Variants in SEMA5B observed in about 807,000 individuals in gnomAD.
SEMA5B encodes semaphorin 5B.
Under a neutral mutation model 135.0 loss-of-function variants are expected in SEMA5B, and 66 were observed. The observed-to-expected ratio is 0.49, with a 90% confidence interval of 0.40 to 0.60. The LOEUF is 0.60. Among genes scored for constraint, SEMA5B ranks in the 20% least tolerant of loss-of-function variants. The pLI is 0.00. For synonymous variants in SEMA5B, 690 were observed against 639.5 expected, an observed-to-expected ratio of 1.08 and a Z score of -1.19; for missense variants, 1,501 against 1,566.3, an observed-to-expected ratio of 0.96 and a Z score of 0.70.
chr3:122,990,969 C>T (rs1941855639), intron 1 of SEMA5B, among the ~76,000 whole-genome samples: 1 of 152,188 alleles, frequency 6.6e-6, no homozygotes, highest in South Asian at 2.1e-4. Context: ...TGTATGTGTA[C>T]ATATATGCAC....
At chr3:122,961,814 G>T (rs981803752) in intron 1 of SEMA5B, among the ~76,000 whole-genome samples, 1 of 152,036 alleles carries the variant, frequency 6.6e-6, no homozygotes, top group African/African-American at 2.4e-5. Context: ...GCTTCTATAG[G>T]TTAGAAGTCC....
At chr3:122,938,054 G>A (rs1016304999) in intron 5 of SEMA5B, among the ~76,000 whole-genome samples, 2 of 152,160 alleles carry the variant, frequency 1.3e-5, no homozygotes, top group Non-Finnish European at 2.9e-5. Context: ...GCTGCTTCTG[G>A]GGAACTTCCC....
intron 1 of SEMA5B, among the ~76,000 whole-genome samples, chr3:122,995,173 G>A (rs187830429): frequency 7.2e-5 from 11 of 152,314 alleles, no homozygotes; most frequent in African/African-American, 2.6e-4. Flanking sequence ...TGAGAAGCAG[G>A]ACATCGGGTG....
At chr3:122,928,686 C>T in intron 6 of SEMA5B, 71 bp from the exon 7 acceptor site, 4 of 1,134,802 alleles carry the variant, frequency 3.5e-6, no homozygotes, top group Non-Finnish European at 5.1e-6. Context: ...ACGCTCACAC[C>T]ACTGCGTCAT....
At chr3:122,911,639 C>T (rs1008377757) in intron 20 of SEMA5B, 104 bp from the exon 21 acceptor site, 2 of 1,243,098 alleles carry the variant, frequency 1.6e-6, no homozygotes, top group East Asian at 2.4e-5. Context: ...AACGCTCAGA[C>T]GTAGGACTAG....
At chr3:122,912,662 C>G (rs1937798951) in intron 18 of SEMA5B, among the ~76,000 whole-genome samples, 181 bp downstream of exon 18, 1 of 151,866 alleles carries the variant, frequency 6.6e-6, no homozygotes, top group African/African-American at 2.4e-5. Context: ...CGTACTCCAC[C>G]GGAGTAGCCA....
At chr3:122,948,385 C>T in intron 3 of SEMA5B, 121 bp downstream of exon 3, 2 of 793,376 alleles carry the variant, frequency 2.5e-6, no homozygotes, top group South Asian at 2.5e-5. Context: ...CGGGACGGGA[C>T]CCAGCAGTTA....
At chr3:122,960,868 T>C (rs147744162) in intron 2 of SEMA5B, among the ~76,000 whole-genome samples, 2 of 152,224 alleles carry the variant, frequency 1.3e-5, no homozygotes, top group African/African-American at 4.8e-5. Context: ...TTTTGCAAGA[T>C]GAAGTGTTCT....
At chr3:122,978,683 C>T (rs1373862925) in intron 1 of SEMA5B, among the ~76,000 whole-genome samples, 1 of 152,058 alleles carries the variant, frequency 6.6e-6, no homozygotes, top group Non-Finnish European at 1.5e-5. Context: ...CGCTGGGCAG[C>T]CTCCAGGGGT....
intron 1 of SEMA5B, among the ~76,000 whole-genome samples, chr3:122,980,313 A>T (rs1941477382): frequency 6.6e-6 from 1 of 152,078 alleles, no homozygotes; most frequent in Non-Finnish European, 1.5e-5. Context: ...ATACAAAATT[A>T]TCCAGGTGTG....
chr3:122,913,277 G>A lies in SEMA5B; in HGVS notation c.2428C>T (p.His810Tyr). The A allele has an allele frequency of 1.3e-6, 2 of 1,584,418 alleles. No individual in the cohort carries two copies. Among genetic ancestry groups the A allele is most frequent in the South Asian group, 1.1e-5 (1 of 88,314 alleles). Residue 810 changes from histidine to tyrosine, a missense_variant, in exon 17 of 23, where the codon CAC becomes TAC. Physicochemically the swap from His to Tyr is moderately conservative, Grantham distance 83. Around this residue, in one of 2 missense-constraint regions of SEMA5B, gnomAD observed 927 missense variants for 881.6 expected, o/e 1.05. Transcript: ENST00000357599. ...FTCRAPLADP[H>Y]GLQFGRRRTE... ...CTTCTCCTGCCGAACTGCAGGCCGT[G>A]CGGGTCTGCAAGGGGCGCGCGGCAG...
chr3:122,971,943 A>G (rs139174625), intron 1 of SEMA5B, among the ~76,000 whole-genome samples: 1 of 152,348 alleles, frequency 6.6e-6, no homozygotes, highest in African/African-American at 2.4e-5. Flanking sequence ...CAGCAATCAT[A>G]ACAACTTCTT....
chr3:122,914,951 G>A (rs1042177402), intron 14 of SEMA5B, among the ~76,000 whole-genome samples: 2 of 145,066 alleles, frequency 1.4e-5, no homozygotes, highest in African/African-American at 5.8e-5. Context: ...CAGGTACCAG[G>A]CACTGTGCAA....
rs1219187595 is a variant in SEMA5B at position 122,913,571 on chromosome 3, G to T, written c.2243C>A (p.Ala748Asp). Reference sequence around the variant, plus strand: ...CAGGCAGGAGTTGCCGTTCTCGCAGGCCCGACGCCGCGACTGCATGCCCCC... The same window carrying T: ...CAGGCAGGAGTTGCCGTTCTCGCAGTCCCGACGCCGCGACTGCATGCCCCC... Reference protein sequence around the residue: ...CGGGMQSRRRACENGNSCLGC... With the variant: ...CGGGMQSRRRDCENGNSCLGC... Residue 748 changes from alanine to aspartate, a missense_variant, in exon 16 of 23, where the codon GCC becomes GAC. By Grantham distance (126) the Ala-to-Asp change is moderately radical. Coordinates refer to ENST00000357599, the MANE Select transcript of SEMA5B (RefSeq NM_001031702.4). 1.3e-5 allele frequency: 21 copies of T among 1,612,924 alleles called. No homozygotes were observed. Among genetic ancestry groups the T allele is most frequent in the Non-Finnish European group, 1.7e-5 (20 of 1,179,876 alleles).
At chr3:122,996,986 G>A (rs753347054) in intron 1 of SEMA5B, among the ~76,000 whole-genome samples, 21 of 152,276 alleles carry the variant, frequency 1.4e-4, no homozygotes, top group East Asian at 1.9e-4. Context: ...ATTCCCACAC[G>A]CTGTCCTGTG....
At chr3:122,964,214 C>T (rs1169345542) in intron 1 of SEMA5B, among the ~76,000 whole-genome samples, 3 of 152,232 alleles carry the variant, frequency 2.0e-5, no homozygotes, top group Non-Finnish European at 4.4e-5. Flanking sequence ...CTCAGGCTCT[C>T]CTCTCTGTCT....
intron 2 of SEMA5B, among the ~76,000 whole-genome samples, chr3:122,960,914 G>T (rs1433758700): frequency 6.6e-6 from 1 of 152,178 alleles, no homozygotes. Flanking sequence ...ATAACAATGT[G>T]AGTGTACCTG....
intron 2 of SEMA5B, among the ~76,000 whole-genome samples, chr3:122,951,261 A>T (rs1189510391): frequency 6.6e-6 from 1 of 152,262 alleles, no homozygotes; most frequent in Non-Finnish European, 1.5e-5. Flanking sequence ...AGTAAAAATA[A>T]GAACACATGT....
At chr3:123,002,548 A>T (rs1942204615) in intron 1 of SEMA5B, among the ~76,000 whole-genome samples, 2 of 152,348 alleles carry the variant, frequency 1.3e-5, no homozygotes, top group South Asian at 4.1e-4. Context: ...ACTAAGTGAG[A>T]AGCTCAAGCT....
Sources: gnomAD v4.1 joint callset for allele counts (sites outside exome capture counted in the v4.1 genomes callset) on GRCh38, gnomAD v4.1.1 for gene constraint, gnomAD v4.1.1 regional missense constraint, MANE v1.5 for transcripts, NCBI Gene and HGNC (gene_info 2026-07-23, HGNC 2026-07-21) for gene names.